Variants in DEK observed in about 807,000 individuals in gnomAD.
DEK encodes DEK proto-oncogene.
A neutral mutation model predicts 46.8 loss-of-function variants in DEK; 28 were observed. That is an observed-to-expected ratio of 0.60 (90% CI 0.44 to 0.82). The LOEUF is 0.82. Ranked by LOEUF, DEK falls within the 40% of genes least tolerant of loss-of-function variation. The probability of loss-of-function intolerance (pLI) is 0.00; values close to 1 mark genes in which losing one functional copy is unlikely to be tolerated. For missense variants in DEK, 416 were observed against 430.6 expected (o/e 0.97, Z 0.30); for synonymous variants, 160 against 144.5 (o/e 1.11, Z -0.77).
rs1466695699 is a variant in DEK at position 18,224,475 on chromosome 6, AAGAC to A, written c.*1240_*1243del. 5.0e-6 allele frequency: 1 copy of A among 199,670 alleles called. No individual in the cohort carries two copies. Among genetic ancestry groups the A allele is most frequent in the East Asian group, 7.8e-5 (1 of 12,834 alleles). 12.4% of individuals were successfully genotyped at this position (199,670 alleles called of 1,614,324 possible). On this transcript the variant is annotated 3_prime_UTR_variant, in exon 11 of 11. Transcript: ENST00000652689. ...AAATTCAGATTTAATAAACTGATTT[AAGAC>A]AGTAAATTTGAAAGACAAAATTAAG...
intron 6 of DEK, among the ~76,000 whole-genome samples, chr6:18,254,707 G>A (rs1791530995): frequency 1.3e-5 from 2 of 151,960 alleles, no homozygotes; most frequent in Admixed American, 1.3e-4. Flanking sequence ...TTGCTTCTGA[G>A]GAAATAGTGA....
chr6:18,253,206 T>G (rs79822494), intron 6 of DEK, among the ~76,000 whole-genome samples: 4,612 of 152,150 alleles, frequency 0.03, 240 homozygotes, highest in African/African-American at 0.1. Context: ...GAACACCACT[T>G]TTTAAAAGAA....
Position 18,237,729 on chromosome 6 carries a change from A to C in DEK, c.763-213T>G, listed in dbSNP as rs193171940. ...GACAAATCACAATCACACACACACA[A>C]GAGTTGCCCATATTTATTCAACACT... On this transcript the variant is annotated intron_variant, in intron 7 of 10. Coordinates refer to ENST00000652689, the MANE Select transcript of DEK (RefSeq NM_003472.4). Among the ~76,000 whole-genome samples the C allele has an allele frequency of 2.5e-4, 38 of 152,216 alleles. 1 individual carries two copies. In the East Asian group the frequency reaches 3.9e-3, roughly 15 times the overall value.
Position 18,225,577 on chromosome 6 carries a change from CAA to C in DEK, c.*140_*141del, listed in dbSNP as rs1582244798. 3 of 838,384 alleles carry C rather than the reference CAA, an allele frequency of 3.6e-6. No individual in the cohort carries two copies. Among genetic ancestry groups the C allele is most frequent in the East Asian group, 2.8e-5 (1 of 36,116 alleles). The allele number at this position is 838,384 out of a possible 1,614,324, so 51.9% of individuals were successfully genotyped here. The stretch of plus-strand genomic sequence containing the variant: ...AGCAAACTCAAATTCACATAACACT[CAA>C]GATAAAAAGGTCAGCAGTAAGTTCT... On this transcript the variant is annotated 3_prime_UTR_variant, in exon 11 of 11. Transcript: ENST00000652689.
chr6:18,234,830 C>G (rs556165271), intron 9 of DEK, among the ~76,000 whole-genome samples: 1 of 152,206 alleles, frequency 6.6e-6, no homozygotes, highest in South Asian at 2.1e-4. Flanking sequence ...TACTATTTTC[C>G]TTCCAAAGAC....
intron 4 of DEK, among the ~76,000 whole-genome samples, chr6:18,257,163 TAC>T (rs1439658790): frequency 6.6e-6 from 1 of 152,170 alleles, no homozygotes; most frequent in Admixed American, 6.5e-5. Context: ...AAAAATGAGA[TAC>T]AATTACACCA....
At position 18,225,656 on chromosome 6, in the gene DEK, G is replaced by T; in HGVS notation, c.*63C>A. The stretch of plus-strand genomic sequence containing the variant: ...AAAAGGAAATACATTCTCTTTGCTG[G>T]TATAATGGTATAAATCAGATCTTCA... On this transcript the variant is annotated 3_prime_UTR_variant, in exon 11 of 11. Transcript: ENST00000652689. 6.4e-7 allele frequency: 1 copy of T among 1,563,132 alleles called. No individual in the cohort carries two copies. The highest frequency in any genetic ancestry group is 8.8e-7 in the Non-Finnish European group (1 of 1,142,602).
At chr6:18,251,373 C>T (rs912539109) in intron 6 of DEK, among the ~76,000 whole-genome samples, 3 of 152,134 alleles carry the variant, frequency 2.0e-5, no homozygotes, top group African/African-American at 7.2e-5. Flanking sequence ...AACCTCCAGT[C>T]TAGGGGTCAC....
At chr6:18,229,757 G>C (rs1254743033) in intron 9 of DEK, among the ~76,000 whole-genome samples, 2 of 152,216 alleles carry the variant, frequency 1.3e-5, no homozygotes, top group Non-Finnish European at 2.9e-5. Context: ...TCTGATTGGT[G>C]TACCTGAAAG....
chr6:18,254,650 T>C (rs1455861347), intron 6 of DEK, among the ~76,000 whole-genome samples: 6 of 152,058 alleles, frequency 3.9e-5, no homozygotes, highest in African/African-American at 1.2e-4. Context: ...GGAAAACCAC[T>C]GAGAAAAAGA....
chr6:18,263,751 C>T, intron 2 of DEK, 92 bp downstream of exon 2: 2 of 1,608,000 alleles, frequency 1.2e-6, no homozygotes, highest in African/African-American at 1.3e-5. Context: ...CGCCTCTAAA[C>T]ACCAAAAGAG....
chr6:18,224,532 G>C lies in DEK; in HGVS notation c.*1187C>G, dbSNP rs1790023980. ...TCATTCAGGAGTGGTCCATTATGTT[G>C]ATCATCTAGAATCAACACTGATTAA... On this transcript the variant is annotated 3_prime_UTR_variant, in exon 11 of 11. Transcript: ENST00000652689. The C allele has an allele frequency of 5.0e-6, 1 of 201,574 alleles. No homozygotes were observed. The highest frequency in any genetic ancestry group is 1.7e-3 in the Middle Eastern group (1 of 596). The allele number at this position is 201,574 out of a possible 1,614,324, so 12.5% of individuals were successfully genotyped here. A position where few individuals can be genotyped will look rare whatever the true frequency, so the allele number is the denominator to read the frequency against.
At chr6:18,260,292 T>A (rs991031101) in intron 2 of DEK, among the ~76,000 whole-genome samples, 2 of 152,176 alleles carry the variant, frequency 1.3e-5, no homozygotes, top group Non-Finnish European at 2.9e-5. Context: ...CTGTACATGT[T>A]CAGTACAGAT....
intron 9 of DEK, among the ~76,000 whole-genome samples, chr6:18,233,150 G>A (rs1431537444): frequency 1.3e-5 from 2 of 152,180 alleles, no homozygotes; most frequent in African/African-American, 4.8e-5. Flanking sequence ...CTAGCCATAT[G>A]TAGAAAGCTG....
intron 2 of DEK, among the ~76,000 whole-genome samples, chr6:18,261,749 G>C (rs779104242): frequency 2.0e-5 from 3 of 152,140 alleles, no homozygotes; most frequent in Non-Finnish European, 2.9e-5. Flanking sequence ...TGATCTCACA[G>C]GCTCATAGGT....
intron 5 of DEK, among the ~76,000 whole-genome samples, chr6:18,256,136 C>A (rs370239132): frequency 1.3e-5 from 2 of 151,848 alleles, no homozygotes; most frequent in African/African-American, 2.4e-5. Flanking sequence ...TACAGGCATG[C>A]GCCACCACAG....
chr6:18,263,192 A>C (rs11961525), intron 2 of DEK, among the ~76,000 whole-genome samples: 2,404 of 152,246 alleles, frequency 0.016, 68 homozygotes, highest in African/African-American at 0.055. Flanking sequence ...ATCAGGGCTC[A>C]TATCGCCCTC....
intron 7 of DEK, among the ~76,000 whole-genome samples, chr6:18,247,283 G>C (rs950440362): frequency 6.6e-6 from 1 of 152,120 alleles, no homozygotes; most frequent in African/African-American, 2.4e-5. Context: ...AAAAAAAAGG[G>C]GGGGAAACAA....
At chr6:18,241,357 T>C (rs1309872365) in intron 7 of DEK, among the ~76,000 whole-genome samples, 1 of 152,210 alleles carries the variant, frequency 6.6e-6, no homozygotes, top group Non-Finnish European at 1.5e-5. Flanking sequence ...TAATTTTACA[T>C]GAACTTTCAA....
Sources: gnomAD v4.1 joint callset for allele counts (sites outside exome capture counted in the v4.1 genomes callset) on GRCh38, gnomAD v4.1.1 for gene constraint, MANE v1.5 for transcripts, NCBI Gene and HGNC (gene_info 2026-07-23, HGNC 2026-07-21) for gene names.